DMD: variants seen among roughly 807,000 people sequenced by gnomAD.
DMD encodes dystrophin, also known as mutant dystrophin.
A neutral mutation model predicts 330.1 loss-of-function variants in DMD; 63 were observed. That is an observed-to-expected ratio of 0.19 (90% CI 0.16 to 0.24). DMD has a LOEUF of 0.24. DMD is among the 10% of genes least tolerant of loss of function. The probability of loss-of-function intolerance (pLI) is 1.00; values close to 1 mark genes in which losing one functional copy is unlikely to be tolerated. For synonymous variants in DMD, 1,223 were observed against 959.8 expected, an observed-to-expected ratio of 1.27 and a Z score of -5.07; for missense variants, 3,344 against 2,684.1, an observed-to-expected ratio of 1.25 and a Z score of -5.43.
chrX:31,984,338 C>T (rs771037220), intron 44 of DMD, among the ~76,000 whole-genome samples: 1 of 112,175 alleles, frequency 8.9e-6, no homozygotes, highest in African/African-American at 3.2e-5. Flanking sequence ...TGTAAAGCTG[C>T]TATATTAGAA....
chrX:31,398,434 G>A (rs1400441424), intron 60 of DMD, among the ~76,000 whole-genome samples: 2 of 111,996 alleles, frequency 1.8e-5, no homozygotes, highest in Non-Finnish European at 3.8e-5. Context: ...AGGGTGGGGA[G>A]CAGGGAGGAA....
rs771076695 is a variant in DMD at position 31,205,920 on chromosome X, A to G, written c.9649+662T>C. Among the ~76,000 whole-genome samples the G allele has an allele frequency of 8.3e-4, 94 of 112,717 alleles. 1 individual carries two copies. The highest frequency in any genetic ancestry group is 1.6e-3 in the Non-Finnish European group (84 of 53,355). On this transcript the variant is annotated intron_variant, in intron 66 of 78. Transcript: ENST00000357033. ...TATAAGCATTTCAAGGGGAAAACCA[A>G]CTGCAGCCTTTCACAATATGAATGG...
intron 60 of DMD, among the ~76,000 whole-genome samples, chrX:31,371,418 G>A (rs1003777308): frequency 1.8e-5 from 2 of 111,308 alleles, no homozygotes; most frequent in African/African-American, 6.5e-5. Context: ...AGGCTTCAAT[G>A]GCGAATAATT....
intron 55 of DMD, among the ~76,000 whole-genome samples, chrX:31,530,640 G>A (rs1389152487): frequency 1.1e-5 from 1 of 89,076 alleles, no homozygotes; most frequent in Non-Finnish European, 2.2e-5. Context: ...ATAGAGCACT[G>A]GTTTCTCTTT....
At chrX:31,781,311 T>C (rs959532848) in intron 50 of DMD, among the ~76,000 whole-genome samples, 8 of 112,401 alleles carry the variant, frequency 7.1e-5, no homozygotes, top group South Asian at 7.3e-4. Context: ...CTAAGAATCA[T>C]AGGACATCAG....
chrX:32,868,337 C>G (rs893998781), intron 2 of DMD, among the ~76,000 whole-genome samples: 15 of 111,643 alleles, frequency 1.3e-4, no homozygotes, highest in Admixed American at 1.2e-3. Context: ...TGCTCAGTTT[C>G]CGGGGGCGGG....
At chrX:31,666,327 TCCTTG>T (rs2081425258) in intron 53 of DMD, among the ~76,000 whole-genome samples, 1 of 111,978 alleles carries the variant, frequency 8.9e-6, no homozygotes, top group Admixed American at 9.5e-5. Context: ...AGAACCATGT[TCCTTG>T]CCTCTATGAT....
At chrX:33,317,067 G>T (rs1457305017) in intron 1 of DMD, among the ~76,000 whole-genome samples, 1 of 110,407 alleles carries the variant, frequency 9.1e-6, no homozygotes, top group African/African-American at 3.3e-5. Flanking sequence ...CAAACGCCAA[G>T]TTCCTTCTAG....
intron 2 of DMD, among the ~76,000 whole-genome samples, chrX:32,860,668 G>A (rs937963832): frequency 5.4e-5 from 6 of 110,541 alleles, no homozygotes; most frequent in African/African-American, 2.0e-4. Context: ...ATAGAGGAAA[G>A]TACACGTCTT....
At chrX:33,333,953 C>T (rs186174265) in intron 1 of DMD, among the ~76,000 whole-genome samples, 10 of 110,936 alleles carry the variant, frequency 9.0e-5, no homozygotes. Flanking sequence ...AGTCTATAAA[C>T]CCACGAAGAG....
intron 60 of DMD, among the ~76,000 whole-genome samples, chrX:31,371,450 C>A (rs1289815225): frequency 2.7e-5 from 3 of 111,155 alleles, no homozygotes; most frequent in South Asian, 3.8e-4. Context: ...AGAAAAAAAA[C>A]TAAGAATTAT....
chrX:32,391,266 G>T (rs781405404), intron 30 of DMD, among the ~76,000 whole-genome samples: 1 of 111,220 alleles, frequency 9.0e-6, no homozygotes, highest in Non-Finnish European at 1.9e-5. Context: ...TTATCATGCA[G>T]ATCATTTTGC....
At chrX:31,857,814 T>C (rs1292346181) in intron 48 of DMD, among the ~76,000 whole-genome samples, 1 of 100,095 alleles carries the variant, frequency 1.0e-5, no homozygotes, top group Non-Finnish European at 2.1e-5. Context: ...ATCCCCTATA[T>C]GCACAGATAC....
intron 49 of DMD, among the ~76,000 whole-genome samples, chrX:31,835,889 G>C (rs1427910363): frequency 9.0e-6 from 1 of 111,685 alleles, no homozygotes; most frequent in East Asian, 2.8e-4. Flanking sequence ...AACATTAACT[G>C]AGAAACCAAG....
intron 67 of DMD, among the ~76,000 whole-genome samples, chrX:31,183,185 C>T (rs2041350162): frequency 9.5e-6 from 1 of 104,731 alleles, no homozygotes; most frequent in Non-Finnish European, 1.9e-5. Flanking sequence ...GAAAGGTAAG[C>T]AAACTACACA....
rs5972467 is a variant in DMD, at chrX:31,965,045, C to T, written c.6614+3294G>A. Reference sequence around the variant, plus strand: ...ATTCCACTTCCCACTGCCTTGCTTCCGTCTCCCATTCAAACTTTTATCAAC... The same window carrying T: ...ATTCCACTTCCCACTGCCTTGCTTCTGTCTCCCATTCAAACTTTTATCAAC... On this transcript the variant is annotated intron_variant, in intron 45 of 78. Coordinates refer to ENST00000357033, the MANE Select transcript of DMD (RefSeq NM_004006.3). Among the ~76,000 whole-genome samples the T allele has an allele frequency of 0.13, 14,387 of 110,933 alleles. 925 individuals carry two copies. The highest frequency in any genetic ancestry group is 0.33 in the East Asian group (1,129 of 3,465).
chrX:32,750,317 C>A (rs774157222), intron 7 of DMD, among the ~76,000 whole-genome samples: 4 of 111,503 alleles, frequency 3.6e-5, no homozygotes, highest in Non-Finnish European at 7.5e-5. Context: ...TTTAAAAATT[C>A]TGACAAAAGG....
At chrX:32,506,011 G>C (rs2044579413) in intron 18 of DMD, among the ~76,000 whole-genome samples, 1 of 112,217 alleles carries the variant, frequency 8.9e-6, no homozygotes, top group Non-Finnish European at 1.9e-5. Flanking sequence ...GGTTTCTAGA[G>C]ATTAGGAGAG....
At chrX:32,611,047 G>C (rs920293265) in intron 12 of DMD, among the ~76,000 whole-genome samples, 4 of 110,834 alleles carry the variant, frequency 3.6e-5, no homozygotes, top group Non-Finnish European at 7.6e-5. Flanking sequence ...AGTCTTAAAA[G>C]ACAATATAAT....
Sources: allele counts gnomAD v4.1 joint callset (sites outside exome capture counted in the v4.1 genomes callset), GRCh38; gene constraint gnomAD v4.1.1; transcripts MANE v1.5; gene names NCBI Gene and HGNC (gene_info 2026-07-23, HGNC 2026-07-21).